JAK1: variants seen among roughly 807,000 people sequenced by gnomAD.
JAK1 encodes the protein Janus kinase 1, also known as tyrosine-protein kinase JAK1.
A neutral mutation model predicts 136.6 loss-of-function variants in JAK1; 16 were observed. The observed-to-expected ratio is 0.12, with a 90% confidence interval of 0.08 to 0.18. The LOEUF (loss-of-function observed/expected upper bound fraction) is 0.18, where lower values mean the gene tolerates loss of function less well. JAK1 is among the 10% of genes least tolerant of loss of function. JAK1 has a pLI of 1.00. For synonymous variants in JAK1, 492 were observed against 519.5 expected, an observed-to-expected ratio of 0.95 and a Z score of 0.72; for missense variants, 859 against 1,450.1, an observed-to-expected ratio of 0.59 and a Z score of 6.62.
intron 2 of JAK1, among the ~76,000 whole-genome samples, chr1:64,997,667 T>C (rs932654290): frequency 6.6e-6 from 1 of 152,098 alleles, no homozygotes. Flanking sequence ...AACGGCATAA[T>C]GGGTTTATAA....
chr1:65,050,183 T>A (rs372683251), intron 1 of JAK1, among the ~76,000 whole-genome samples: 1 of 152,208 alleles, frequency 6.6e-6, no homozygotes, highest in South Asian at 2.1e-4. Context: ...GTGAACTCCA[T>A]GCCAGGCTTA....
chr1:65,028,475 G>A (rs1646996246), intron 2 of JAK1, among the ~76,000 whole-genome samples: 2 of 131,604 alleles, frequency 1.5e-5, no homozygotes, highest in Admixed American at 1.7e-4. Flanking sequence ...AAGGAAGAAA[G>A]GAAGGAAGGG....
chr1:64,855,754 G>T, intron 10 of JAK1, 56 bp from the exon 11 acceptor site: 1 of 1,461,902 alleles, frequency 6.8e-7, no homozygotes, highest in Non-Finnish European at 9.4e-7. Flanking sequence ...GCATGGGTAT[G>T]TAAGATATTA....
intron 2 of JAK1, among the ~76,000 whole-genome samples, chr1:65,025,489 G>A (rs1646970468): frequency 6.6e-6 from 1 of 152,064 alleles, no homozygotes; most frequent in African/African-American, 2.4e-5. Flanking sequence ...AGGCCACAGG[G>A]TAAAATACTA....
chr1:64,993,278 C>G (rs1179151171), intron 2 of JAK1: 1 of 152,166 alleles, frequency 6.6e-6, no homozygotes, highest in Non-Finnish European at 1.5e-5. Flanking sequence ...GCACTGGTGT[C>G]CTATATTCAT....
chr1:64,862,393 A>C (rs1656404512), intron 8 of JAK1, among the ~76,000 whole-genome samples: 1 of 152,358 alleles, frequency 6.6e-6, no homozygotes, highest in African/African-American at 2.4e-5. Flanking sequence ...CATAGGGTTG[A>C]CATGAAAATT....
chr1:65,048,287 C>G (rs1421383250), intron 1 of JAK1, among the ~76,000 whole-genome samples: 3 of 152,186 alleles, frequency 2.0e-5, no homozygotes, highest in Non-Finnish European at 4.4e-5. Context: ...TTGACCAGGG[C>G]TGTTGTGACA....
At chr1:65,062,045 A>G (rs1396607241) in intron 1 of JAK1, among the ~76,000 whole-genome samples, 5 of 151,292 alleles carry the variant, frequency 3.3e-5, no homozygotes, top group South Asian at 2.1e-4. Context: ...CATGTGGACG[A>G]AAAAAAAACC....
At chr1:65,023,957 T>C (rs1196830756) in intron 2 of JAK1, among the ~76,000 whole-genome samples, 1 of 151,816 alleles carries the variant, frequency 6.6e-6, no homozygotes, top group Non-Finnish European at 1.5e-5. Flanking sequence ...TCGTTCCTTT[T>C]ATTGCTGAGT....
intron 2 of JAK1, among the ~76,000 whole-genome samples, chr1:65,041,777 G>A (rs575884401): frequency 2.0e-5 from 3 of 152,288 alleles, no homozygotes; most frequent in African/African-American, 7.2e-5. Flanking sequence ...GGTGGCTCAC[G>A]CCTGTAATCC....
chr1:64,901,168 T>C (rs1382403405), intron 1 of JAK1, among the ~76,000 whole-genome samples: 1 of 152,192 alleles, frequency 6.6e-6, no homozygotes, highest in Non-Finnish European at 1.5e-5. Context: ...AGATATTCAA[T>C]AAATGTCTGT....
At chr1:64,839,836 A>T in intron 19 of JAK1, 41 bp from the exon 20 acceptor site, 1 of 1,516,096 alleles carries the variant, frequency 6.6e-7, no homozygotes, top group South Asian at 1.2e-5. Flanking sequence ...GGGAAGCCCC[A>T]TCGTAGGCCA....
rs372297202 is a variant in JAK1, at chr1:64,869,267, C to T, written c.647+44G>A. The T allele has an allele frequency of 3.2e-6, 5 of 1,584,126 alleles. No homozygotes were observed. In the South Asian group the frequency reaches 3.3e-5, roughly 11 times the overall value. On this transcript the variant is annotated intron_variant, in intron 6 of 24. Transcript: ENST00000342505. ...AAATGTGTAAGAACATGTAGAAACA[C>T]CACCATCCTCACAATCAATTCTTCA...
intron 4 of JAK1, among the ~76,000 whole-genome samples, chr1:64,877,234 A>G (rs965239741): frequency 3.4e-4 from 51 of 152,218 alleles, no homozygotes; most frequent in Non-Finnish European, 7.1e-4. Context: ...CATCACCAAC[A>G]TTTATTTTCA....
chr1:64,894,850 C>T (rs1246318780), intron 1 of JAK1, among the ~76,000 whole-genome samples: 1 of 152,062 alleles, frequency 6.6e-6, no homozygotes, highest in Non-Finnish European at 1.5e-5. Flanking sequence ...CACTTGGCCC[C>T]CTCAACCAAA....
intron 1 of JAK1, among the ~76,000 whole-genome samples, chr1:64,961,371 T>C (rs1646279912): frequency 6.6e-6 from 1 of 152,142 alleles, no homozygotes; most frequent in South Asian, 2.1e-4. Context: ...CAGATGAAGC[T>C]CACCCTTCAT....
rs1469886708 is a variant in JAK1, at chr1:64,984,541, A to T, written c.-78+59939T>A. 4 of 350,048 alleles carry T rather than the reference A, an allele frequency of 1.1e-5. No homozygotes were observed. The East Asian group carries it at 2.6e-4, about 23-fold the overall frequency. The allele number at this position is 350,048 out of a possible 1,614,324, so 21.7% of individuals were successfully genotyped here. A position where few individuals can be genotyped will look rare whatever the true frequency, so the allele number is the denominator to read the frequency against. ...AAGCAGCCCTGGGTTCATCCTTATG[A>T]GGTCTCTCCCTCATTCAGGGAGGTG... On this transcript the variant is annotated intron_variant, in intron 2 of 25. Coordinates refer to the JAK1 transcript ENST00000671954. The surrounding 1 kb of genome is among the most constrained non-coding windows in gnomAD (Gnocchi z 4.1).
chr1:64,951,296 T>C (rs573708595), intron 1 of JAK1, among the ~76,000 whole-genome samples: 1 of 152,352 alleles, frequency 6.6e-6, no homozygotes, highest in South Asian at 2.1e-4. Context: ...TTCATCAGAT[T>C]GGCAACTGTG....
chr1:64,909,993 T>C (rs923352582), intron 1 of JAK1, among the ~76,000 whole-genome samples: 9 of 152,210 alleles, frequency 5.9e-5, no homozygotes, highest in African/African-American at 1.9e-4. Flanking sequence ...AGTGGGATGG[T>C]AGACCAGAGT....
Sources: allele counts gnomAD v4.1 joint callset (sites outside exome capture counted in the v4.1 genomes callset), GRCh38; gene constraint gnomAD v4.1.1; non-coding constraint Gnocchi (gnomAD v3.1); transcripts MANE v1.5; gene names NCBI Gene and HGNC (gene_info 2026-07-23, HGNC 2026-07-21).